Variants in PTPN4 observed in about 807,000 individuals in gnomAD.
The protein encoded by PTPN4 is tyrosine-protein phosphatase non-receptor type 4.
A neutral mutation model predicts 135.5 loss-of-function variants in PTPN4; 49 were observed. The ratio of observed to expected loss-of-function variants is 0.36; its 90% CI spans 0.29 to 0.46. PTPN4 has a LOEUF of 0.46. Ranked by LOEUF, PTPN4 falls within the 20% of genes least tolerant of loss-of-function variation. The pLI is 1.00. For synonymous variants in PTPN4, 333 were observed against 369.9 expected (o/e 0.90, Z 1.14); for missense variants, 860 against 1,101.0 (o/e 0.78, Z 3.10).
intron 10 of PTPN4, 86 bp downstream of exon 10, chr2:119,900,892 T>C: frequency 1.3e-6 from 1 of 752,654 alleles, no homozygotes; most frequent in Non-Finnish European, 2.0e-6. Context: ...TGTTGAACTA[T>C]TTTAATGTTG....
In PTPN4 at chr2:119,915,198, T is replaced by G. The variant is rs550473525; in HGVS notation, c.784T>G (p.Ser262Ala). 163 of 1,541,954 alleles carry G rather than the reference T, an allele frequency of 1.1e-4. 1 individual carries two copies. In the South Asian group the frequency reaches 1.9e-3, roughly 18 times the overall value. The change falls in exon 11 of 27, where the codon TCT (serine) becomes GCT (alanine). Residue 262 changes from serine (S) to alanine (A), a missense_variant. Ser to Ala is a moderately conservative substitution (Grantham distance 99, BLOSUM62 1). Around this residue, in one of 2 missense-constraint regions of PTPN4, gnomAD observed 684 missense variants for 807.0 expected, o/e 0.85. Transcript: ENST00000263708. The part of the protein sequence containing the change: ...TFPWLKIVKI[S>A]FKCKQFFIQL... ...GTCCAGGTTGAAGATTGTAAAAATT[T>G]CTTTTAAGTGCAAACAGTTTTTTAT...
chr2:119,802,454 G>T (rs543342408), intron 1 of PTPN4, among the ~76,000 whole-genome samples: 98 of 152,222 alleles, frequency 6.4e-4, no homozygotes, highest in Non-Finnish European at 7.6e-4. Flanking sequence ...ATGCTTTCCT[G>T]CATTGATTAA....
intron 10 of PTPN4, among the ~76,000 whole-genome samples, chr2:119,914,891 T>C (rs1312765427): frequency 1.3e-5 from 2 of 152,196 alleles, no homozygotes; most frequent in South Asian, 2.1e-4. Flanking sequence ...GGCTTGCTTA[T>C]AGTTTTAGAG....
At chr2:119,882,416 GA>G (rs772172468) in intron 7 of PTPN4, 86 bp from the exon 8 acceptor site, 203 of 1,267,038 alleles carry the variant, frequency 1.6e-4, no homozygotes, top group Middle Eastern at 6.9e-4. Context: ...TTTACATCCA[GA>G]AATAGAATTA....
At chr2:119,766,288 T>C (rs888542993) in intron 1 of PTPN4, among the ~76,000 whole-genome samples, 2 of 152,226 alleles carry the variant, frequency 1.3e-5, no homozygotes, top group African/African-American at 2.4e-5. Context: ...TGGTTCCTAC[T>C]CACCCTTGGC....
chr2:119,843,225 T>C (rs1322780745), intron 2 of PTPN4, among the ~76,000 whole-genome samples: 4 of 148,492 alleles, frequency 2.7e-5, no homozygotes, highest in African/African-American at 7.4e-5. Context: ...TTTCTTTTTT[T>C]TTTTTTTTTT....
chr2:119,956,766 G>A (rs1303681233), intron 20 of PTPN4, 78 bp from the exon 21 acceptor site: 4 of 1,570,004 alleles, frequency 2.5e-6, no homozygotes, highest in South Asian at 1.2e-5. Flanking sequence ...TCCTGTTAGT[G>A]TAGAAACAAG....
intron 13 of PTPN4, among the ~76,000 whole-genome samples, chr2:119,928,238 T>C (rs1443026257): frequency 6.6e-6 from 1 of 152,182 alleles, no homozygotes; most frequent in Non-Finnish European, 1.5e-5. Context: ...ATTCTTTGAT[T>C]GTAAACTGTA....
chr2:119,795,391 G>T (rs1412918493), intron 1 of PTPN4, among the ~76,000 whole-genome samples: 1 of 152,240 alleles, frequency 6.6e-6, no homozygotes, highest in Non-Finnish European at 1.5e-5. Flanking sequence ...GTGCCAAGGG[G>T]CGCCTGCAGG....
At position 119,934,883 on chromosome 2, in the gene PTPN4, C is replaced by G; in HGVS notation, c.1280C>G (p.Ser427Cys). Reference protein sequence around the residue: ...GHLVDHMVHTSPSEVFVNQRS... With the variant: ...GHLVDHMVHTCPSEVFVNQRS... The stretch of plus-strand genomic sequence containing the variant: ...TTGGTAGACCATATGGTTCATACTT[C>G]CCCAAGCGAAGTGTTTGTAAATCAG... The change falls in exon 15 of 27, where the codon TCC becomes TGC. Residue 427 changes from serine (S) to cysteine (C), a missense_variant. Transcript: ENST00000263708. The G allele has an allele frequency of 1.9e-6, 3 of 1,613,660 alleles. No individual in the cohort carries two copies. Among genetic ancestry groups the G allele is most frequent in the Non-Finnish European group, 2.5e-6 (3 of 1,179,606 alleles).
chr2:119,869,303 G>A lies in PTPN4; in HGVS notation c.246+6660G>A, dbSNP rs552059879. Among the ~76,000 whole-genome samples the A allele has an allele frequency of 2.0e-5, 3 of 152,316 alleles. No individual in the cohort carries two copies. In the South Asian group the frequency reaches 6.2e-4, roughly 32 times the overall value. On this transcript the variant is annotated intron_variant, in intron 3 of 26. Coordinates refer to ENST00000263708, the MANE Select transcript of PTPN4 (RefSeq NM_002830.4). ...GATAGAAATATCTTGATTGTGGATG[G>A]TGGTGGTTACCTGGCTGTACACATT...
chr2:119,871,090 A>G (rs113335159), intron 3 of PTPN4, among the ~76,000 whole-genome samples: 1 of 150,950 alleles, frequency 6.6e-6, no homozygotes, highest in Admixed American at 6.6e-5. Flanking sequence ...AAGAGTAACT[A>G]TTAATAACAA....
At chr2:119,901,504 C>T (rs1433951124) in intron 10 of PTPN4, among the ~76,000 whole-genome samples, 1 of 152,160 alleles carries the variant, frequency 6.6e-6, no homozygotes, top group East Asian at 1.9e-4. Flanking sequence ...CTTGCCAGGT[C>T]TACATAAAAC....
intron 2 of PTPN4, among the ~76,000 whole-genome samples, chr2:119,851,211 C>A (rs988105122): frequency 6.6e-6 from 1 of 152,110 alleles, no homozygotes; most frequent in East Asian, 1.9e-4. Context: ...ACTGTTGTTA[C>A]CGGTGGAAGG....
chr2:119,925,276 C>G (rs1333710560), intron 12 of PTPN4, among the ~76,000 whole-genome samples: 2 of 152,266 alleles, frequency 1.3e-5, no homozygotes, highest in East Asian at 3.9e-4. Context: ...AAAAGCAGAA[C>G]CTAAGGCAAA....
At chr2:119,932,748 T>C (rs1476178483) in intron 14 of PTPN4, among the ~76,000 whole-genome samples, 199 bp downstream of exon 14, 2 of 152,208 alleles carry the variant, frequency 1.3e-5, no homozygotes, top group Non-Finnish European at 2.9e-5. Flanking sequence ...ACTTGCGGAA[T>C]GAGAGTAGCG....
intron 14 of PTPN4, among the ~76,000 whole-genome samples, chr2:119,933,215 G>C (rs1406299996): frequency 1.3e-5 from 2 of 152,084 alleles, no homozygotes; most frequent in African/African-American, 4.8e-5. Context: ...TACAAATGTT[G>C]TATGTAATTA....
intron 23 of PTPN4, among the ~76,000 whole-genome samples, chr2:119,961,680 T>C (rs914176177): frequency 6.6e-6 from 1 of 152,162 alleles, no homozygotes; most frequent in African/African-American, 2.4e-5. Flanking sequence ...TGTGGTATAG[T>C]CTTATGGTTG....
At chr2:119,760,586 C>T (rs1157672832) in intron 1 of PTPN4, among the ~76,000 whole-genome samples, 1 of 152,122 alleles carries the variant, frequency 6.6e-6, no homozygotes, top group East Asian at 1.9e-4. Flanking sequence ...CCTGGGACCT[C>T]TGCTTTTGCG....
Sources: allele counts gnomAD v4.1 joint callset (sites outside exome capture counted in the v4.1 genomes callset), GRCh38; gene constraint gnomAD v4.1.1; regional missense constraint gnomAD v4.1.1; transcripts MANE v1.5; gene names NCBI Gene and HGNC (gene_info 2026-07-23, HGNC 2026-07-21).